The following GRM5 variants were observed in gnomAD, a reference collection of about 807,000 sequenced individuals.
The protein encoded by GRM5 is metabotropic glutamate receptor 5.
GRM5 carries 19 observed loss-of-function variants against 83.1 expected under a neutral mutation model. That is an observed-to-expected ratio of 0.23 (90% CI 0.16 to 0.34). GRM5 has a LOEUF of 0.34. Ranked by LOEUF, GRM5 falls within the 10% of genes least tolerant of loss-of-function variation. The probability of loss-of-function intolerance (pLI) is 1.00; values close to 1 mark genes in which losing one functional copy is unlikely to be tolerated. For synonymous variants in GRM5, 675 were observed against 633.6 expected, an observed-to-expected ratio of 1.07 and a Z score of -0.98; for missense variants, 1,160 against 1,588.3, an observed-to-expected ratio of 0.73 and a Z score of 4.58.
intron 2 of GRM5, among the ~76,000 whole-genome samples, chr11:89,002,638 T>G (rs556174752): frequency 6.6e-6 from 1 of 152,202 alleles, no homozygotes; most frequent in Non-Finnish European, 1.5e-5. Context: ...ACAGAACCAG[T>G]AGAGATGAGT....
At chr11:88,802,572 A>G (rs1341273993) in intron 3 of GRM5, among the ~76,000 whole-genome samples, 1 of 152,180 alleles carries the variant, frequency 6.6e-6, no homozygotes, top group Non-Finnish European at 1.5e-5. Context: ...ACTCACAGCC[A>G]ATATCATACT....
At chr11:89,031,120 G>T (rs972276473) in intron 2 of GRM5, among the ~76,000 whole-genome samples, 5 of 151,854 alleles carry the variant, frequency 3.3e-5, no homozygotes, top group African/African-American at 1.2e-4. Context: ...ATTATATTTT[G>T]TAGGACAAAA....
Position 88,943,521 on chromosome 11 carries a change from A to C in GRM5, c.662-93366T>G, listed in dbSNP as rs111918907. Reference sequence around the variant, plus strand: ...TGCTGCTACTCACTCATAACATTCCAAAACAAAAACAAAGCTTATGGTCCT... The same window carrying C: ...TGCTGCTACTCACTCATAACATTCCCAAACAAAAACAAAGCTTATGGTCCT... On this transcript the variant is annotated intron_variant, in intron 2 of 9. Coordinates refer to ENST00000305447, the MANE Select transcript of GRM5 (RefSeq NM_001143831.3). Among the ~76,000 whole-genome samples, 76 of 152,156 alleles carry C rather than the reference A, an allele frequency of 5.0e-4. 2 individuals carry two copies. Among genetic ancestry groups the C allele is most frequent in the African/African-American group, 1.6e-3 (68 of 41,560 alleles).
chr11:88,928,898 A>ATG (rs1565296519), intron 2 of GRM5, among the ~76,000 whole-genome samples: 24 of 45,818 alleles, frequency 5.2e-4, no homozygotes, highest in Non-Finnish European at 3.3e-4. Context: ...ACCTATGTGT[A>ATG]TGTGTATATA....
At chr11:88,844,681 T>C (rs778649157) in intron 3 of GRM5, among the ~76,000 whole-genome samples, 2 of 152,210 alleles carry the variant, frequency 1.3e-5, no homozygotes, top group Non-Finnish European at 2.9e-5. Context: ...ATTCTAGGTG[T>C]CATTAAGAAC....
chr11:88,520,184 A>G (rs757533148), intron 9 of GRM5, among the ~76,000 whole-genome samples: 10 of 152,206 alleles, frequency 6.6e-5, no homozygotes, highest in Non-Finnish European at 1.3e-4. Context: ...GACTTAGTAT[A>G]GTGTGGGATA....
At chr11:88,681,822 G>A (rs992092259) in intron 3 of GRM5, among the ~76,000 whole-genome samples, 5 of 151,588 alleles carry the variant, frequency 3.3e-5, no homozygotes, top group African/African-American at 1.2e-4. Context: ...ACCCACCTCA[G>A]CCTCCCAAAG....
rs114781302 is a variant in GRM5, at chr11:88,792,983, G to A, written c.911+56923C>T. On this transcript the variant is annotated intron_variant, in intron 3 of 9. Transcript: ENST00000305447. ...TTTCTGATACTATTTAGAGTAAGAC[G>A]GGCCTTGTAATATGCATCATCATGA... 5.3e-3 allele frequency among the ~76,000 whole-genome samples: 806 copies of A among 152,048 alleles called. 6 individuals carry two copies. The highest frequency in any genetic ancestry group is 0.018 in the African/African-American group (767 of 41,470).
At chr11:88,827,420 T>C (rs1943911325) in intron 3 of GRM5, among the ~76,000 whole-genome samples, 1 of 152,258 alleles carries the variant, frequency 6.6e-6, no homozygotes, top group Non-Finnish European at 1.5e-5. Context: ...CTAGATCTTT[T>C]AGTTTTTAGT....
intron 4 of GRM5, among the ~76,000 whole-genome samples, chr11:88,620,146 T>G (rs1389996389): frequency 1.3e-5 from 2 of 152,212 alleles, no homozygotes; most frequent in African/African-American, 4.8e-5. Flanking sequence ...ACACAATACT[T>G]TCTGTCATGC....
intron 2 of GRM5, among the ~76,000 whole-genome samples, chr11:88,854,493 C>T (rs141080846): frequency 6.6e-6 from 1 of 152,078 alleles, no homozygotes; most frequent in East Asian, 1.9e-4. Context: ...TTCACTAATA[C>T]TATTTGACCT....
rs2135005690 is a variant in GRM5, at chr11:88,971,917, G to A, written c.661+75295C>T. ...ATACAAGATGATCTGGTAACATCCTGTTGTGCCAGAGGTACTCTAGGGGCA... is the reference window on the plus strand; with the variant it reads ...ATACAAGATGATCTGGTAACATCCTATTGTGCCAGAGGTACTCTAGGGGCA... On this transcript the variant is annotated intron_variant, in intron 2 of 9. Transcript: ENST00000305447. Among the ~76,000 whole-genome samples, 3 of 152,218 alleles carry A rather than the reference G, an allele frequency of 2.0e-5. No individual in the cohort carries two copies. The South Asian group carries it at 6.2e-4, about 32-fold the overall frequency.
intron 2 of GRM5, among the ~76,000 whole-genome samples, chr11:88,919,098 G>C (rs1945643839): frequency 6.7e-6 from 1 of 148,692 alleles, no homozygotes; most frequent in South Asian, 2.1e-4. Context: ...AAAAAATAGA[G>C]TGGCTGAATG....
At chr11:88,857,040 A>G (rs1270912054) in intron 2 of GRM5, among the ~76,000 whole-genome samples, 1 of 152,092 alleles carries the variant, frequency 6.6e-6, no homozygotes, top group Admixed American at 6.6e-5. Flanking sequence ...GAACACTGTT[A>G]CAAGAAACAA....
intron 4 of GRM5, among the ~76,000 whole-genome samples, chr11:88,638,191 A>T (rs919823679): frequency 1.3e-5 from 2 of 148,948 alleles, no homozygotes; most frequent in South Asian, 2.2e-4. Flanking sequence ...GCTTTAGGAG[A>T]TATACCTAAT....
intron 2 of GRM5, among the ~76,000 whole-genome samples, chr11:89,016,833 C>T (rs1322324662): frequency 6.6e-6 from 1 of 152,062 alleles, no homozygotes; most frequent in African/African-American, 2.4e-5. Flanking sequence ...AGATATTTTC[C>T]TAAAGTAAAT....
At chr11:88,595,270 C>T (rs1937765872) in intron 6 of GRM5, among the ~76,000 whole-genome samples, 1 of 152,158 alleles carries the variant, frequency 6.6e-6, no homozygotes, top group African/African-American at 2.4e-5. Context: ...CAGTATCCTC[C>T]TTCTAGCTAT....
At chr11:88,795,187 G>A (rs1411467463) in intron 3 of GRM5, among the ~76,000 whole-genome samples, 1 of 152,198 alleles carries the variant, frequency 6.6e-6, no homozygotes, top group East Asian at 1.9e-4. Context: ...TAGGGCATAT[G>A]GAACTGAAAG....
chr11:88,711,166 A>C (rs1445213483), intron 3 of GRM5, among the ~76,000 whole-genome samples: 1 of 152,082 alleles, frequency 6.6e-6, no homozygotes, highest in Non-Finnish European at 1.5e-5. Context: ...GGGATACGAA[A>C]GTTTGAATGA....
Sources: gnomAD v4.1 joint callset for allele counts (sites outside exome capture counted in the v4.1 genomes callset) on GRCh38, gnomAD v4.1.1 for gene constraint, MANE v1.5 for transcripts, NCBI Gene and HGNC (gene_info 2026-07-23, HGNC 2026-07-21) for gene names.